ZNF182: variants seen among roughly 807,000 people sequenced by gnomAD.
ZNF182 encodes zinc finger protein 21 (KOX 14).
In ZNF182, 10 loss-of-function variants were observed where a neutral mutation model predicts 28.1. The observed-to-expected ratio is 0.36, with a 90% confidence interval of 0.22 to 0.60. The LOEUF (loss-of-function observed/expected upper bound fraction) is 0.60, where lower values mean the gene tolerates loss of function less well. Ranked by LOEUF, ZNF182 falls within the 20% of genes least tolerant of loss-of-function variation. The probability of loss-of-function intolerance (pLI) is 0.75; values close to 1 mark genes in which losing one functional copy is unlikely to be tolerated. For synonymous variants in ZNF182, 156 were observed against 158.7 expected (o/e 0.98, Z 0.13); for missense variants, 352 against 453.2 (o/e 0.78, Z 2.03).
At chrX:48,001,107 T>TTCAACCAC (rs1276772170) in intron 3 of ZNF182, among the ~76,000 whole-genome samples, 1 of 112,134 alleles carries the variant, frequency 8.9e-6, no homozygotes, top group Non-Finnish European at 1.9e-5. Flanking sequence ...TGAAAAATGG[T>TTCAACCAC]TCAACCACTC....
chrX:47,976,199 G>A lies in ZNF182; in HGVS notation c.1831C>T (p.His611Tyr). 8.6e-7 allele frequency: 1 copy of A among 1,166,302 alleles called. No homozygotes were observed. The highest frequency in any genetic ancestry group is 1.1e-6 in the Non-Finnish European group (1 of 876,547). ...HAGKKAHGRG[H>Y]TRKSKFMAH ...GCCATGAACTTTGACTTCCGAGTGT[G>A]GCCTCTTCCATGGGCTTTCTTTCCT... Residue 611 changes from histidine to tyrosine, a missense_variant, in exon 6 of 6, where the codon CAC becomes TAC. Coordinates refer to ENST00000376943, the MANE Select transcript of ZNF182 (RefSeq NM_001007088.2).
intron 3 of ZNF182, among the ~76,000 whole-genome samples, chrX:47,991,960 C>T (rs938244200): frequency 2.7e-5 from 3 of 111,760 alleles, no homozygotes; most frequent in Non-Finnish European, 5.6e-5. Context: ...AAGCAGCCAC[C>T]GGAAGTGCTT....
chrX:47,992,880 G>C lies in ZNF182; in HGVS notation c.16-9469C>G, dbSNP rs73491302. Among the ~76,000 whole-genome samples, 434 of 112,355 alleles carry C rather than the reference G, an allele frequency of 3.9e-3. 4 individuals carry two copies. Among genetic ancestry groups the C allele is most frequent in the African/African-American group, 0.013 (394 of 30,963 alleles). On this transcript the variant is annotated intron_variant, in intron 3 of 5. Coordinates refer to ENST00000376943, the MANE Select transcript of ZNF182 (RefSeq NM_001007088.2). The stretch of plus-strand genomic sequence containing the variant: ...ACAAGAGCCACAAGGGTGTCTGCCA[G>C]AATAAACAGGTTTCCTGGGAGAGGG...
intron 3 of ZNF182, among the ~76,000 whole-genome samples, chrX:47,999,611 T>G (rs1363683645): frequency 9.0e-6 from 1 of 111,168 alleles, no homozygotes; most frequent in African/African-American, 3.3e-5. Context: ...GAAGTACAGC[T>G]GGATAGGAGG....
At position 47,989,248 on chromosome X, in the gene ZNF182, T is replaced by A. The variant is rs1163750977; in HGVS notation, c.16-5837A>T. ...TTCAAGACCAGCCTGGCCAACATAGTGAAACCCCATCTCTACTAAAATACA... is the reference window on the plus strand; with the variant it reads ...TTCAAGACCAGCCTGGCCAACATAGAGAAACCCCATCTCTACTAAAATACA... On this transcript the variant is annotated intron_variant, in intron 3 of 5. Coordinates refer to ENST00000376943, the MANE Select transcript of ZNF182 (RefSeq NM_001007088.2). Among the ~76,000 whole-genome samples the A allele has an allele frequency of 7.3e-5, 8 of 110,254 alleles. No homozygotes were observed. In the East Asian group the frequency reaches 2.3e-3, roughly 31 times the overall value.
In ZNF182 at chrX:47,983,394, T is replaced by C. The variant is rs1556899393; in HGVS notation, c.33A>G (p.Glu11=). 16 of 1,208,724 alleles carry C rather than the reference T, an allele frequency of 1.3e-5. No individual in the cohort carries two copies. The highest frequency in any genetic ancestry group is 1.8e-5 in the Non-Finnish European group (16 of 894,346). Residue 11 remains glutamate (E), a synonymous_variant, in exon 4 of 6, where the codon GAA becomes GAG. Coordinates refer to ENST00000376943, the MANE Select transcript of ZNF182 (RefSeq NM_001007088.2). ...CCTGGGTGAAATCCACAGCTACATCTTCAAATGTCACTAGCCCCTGTAATG... is the reference window on the plus strand; with the variant it reads ...CCTGGGTGAAATCCACAGCTACATCCTCAAATGTCACTAGCCCCTGTAATG... MAKPQGLVTF[E]DVAVDFTQEE...
intron 3 of ZNF182, among the ~76,000 whole-genome samples, chrX:47,986,985 C>T (rs1000119540): frequency 7.1e-5 from 8 of 112,024 alleles, no homozygotes; most frequent in African/African-American, 2.6e-4. Context: ...GGGACTCAGA[C>T]TGGCTTCCTT....
chrX:48,003,297 TTTTC>T (rs2058985238), intron 2 of ZNF182, among the ~76,000 whole-genome samples: 1 of 112,766 alleles, frequency 8.9e-6, no homozygotes, highest in Non-Finnish European at 1.9e-5. Context: ...TTCCTGTTGA[TTTTC>T]TTTTTCTCTA....
rs781987327 is a variant in ZNF182, at chrX:47,976,863, C to T, written c.1167G>A (p.Gly389=). The T allele has an allele frequency of 4.1e-6, 5 of 1,206,274 alleles. No individual in the cohort carries two copies. The highest frequency in any genetic ancestry group is 5.6e-6 in the Non-Finnish European group (5 of 893,674). The change falls in exon 6 of 6, where the codon GGG becomes GGA. Residue 389 remains glycine (G), a synonymous_variant. Coordinates refer to ENST00000376943, the MANE Select transcript of ZNF182 (RefSeq NM_001007088.2). ...GEKPHKCTEC[G]KSFNEKSTLI... Reference sequence around the variant, plus strand: ...GGGTTGACTTCTCATTGAAAGACTTCCCACATTCAGTACATTTATGAGGTT... The same window carrying T: ...GGGTTGACTTCTCATTGAAAGACTTTCCACATTCAGTACATTTATGAGGTT...
In ZNF182 at chrX:47,979,674, A is replaced by G. The variant is rs17147816; in HGVS notation, c.233-1877T>C. ...ACTACTATTATGACTTTTAAGAATC[A>G]CCACATTACTGTAAAAAGAAAGAGT... On this transcript the variant is annotated intron_variant, in intron 5 of 5. Coordinates refer to ENST00000376943, the MANE Select transcript of ZNF182 (RefSeq NM_001007088.2). Among the ~76,000 whole-genome samples, 730 of 111,436 alleles carry G rather than the reference A, an allele frequency of 6.6e-3. 8 individuals carry two copies. The highest frequency in any genetic ancestry group is 0.022 in the African/African-American group (671 of 30,658).
At chrX:47,984,693 A>G (rs1007915000) in intron 3 of ZNF182, among the ~76,000 whole-genome samples, 35 of 112,215 alleles carry the variant, frequency 3.1e-4, no homozygotes, top group African/African-American at 1.0e-3. Context: ...TGTGACACCA[A>G]AATTCAAAAA....
At chrX:47,986,790 TAGG>T (rs1381543350) in intron 3 of ZNF182, among the ~76,000 whole-genome samples, 5 of 111,655 alleles carry the variant, frequency 4.5e-5, no homozygotes, top group Non-Finnish European at 9.4e-5. Flanking sequence ...CAGAAGAAGG[TAGG>T]AGGAGCTGGC....
chrX:48,001,183 A>C (rs2058977371), intron 3 of ZNF182, among the ~76,000 whole-genome samples: 1 of 112,392 alleles, frequency 8.9e-6, no homozygotes, highest in South Asian at 3.6e-4. Context: ...TAGTAATCCA[A>C]TATTTACTCC....
At chrX:48,003,174 T>C (rs1556902113) in intron 2 of ZNF182, among the ~76,000 whole-genome samples, 1 of 112,289 alleles carries the variant, frequency 8.9e-6, no homozygotes. Flanking sequence ...AAGTAGGTTT[T>C]AAAACTGCGG....
At chrX:47,988,744 G>T (rs1487938412) in intron 3 of ZNF182, 3 of 290,836 alleles carry the variant, frequency 1.0e-5, no homozygotes, top group African/African-American at 8.3e-5. Flanking sequence ...GCCAACTCAG[G>T]GACAACTGAG....
chrX:47,994,642 C>T (rs1556900823), intron 3 of ZNF182, among the ~76,000 whole-genome samples: 1 of 111,586 alleles, frequency 9.0e-6, no homozygotes, highest in East Asian at 2.8e-4. Flanking sequence ...ACCAATCATA[C>T]TTTTTTGTGT....
At position 47,996,970 on chromosome X, in the gene ZNF182, CA is replaced by C. The variant is rs201600313; in HGVS notation, c.15+5624del. Among the ~76,000 whole-genome samples, 643 of 111,779 alleles carry C rather than the reference CA, an allele frequency of 5.8e-3. 2 individuals carry two copies. Among genetic ancestry groups the C allele is most frequent in the African/African-American group, 0.02 (625 of 30,725 alleles). On this transcript the variant is annotated intron_variant, in intron 3 of 5. Coordinates refer to ENST00000376943, the MANE Select transcript of ZNF182 (RefSeq NM_001007088.2). ...ATTAATTTATGTTGTTTAACCCACC[CA>C]ATCTATGGTACTTTGTTATGGCAGC...
At chrX:47,985,066 C>T in intron 3 of ZNF182, among the ~76,000 whole-genome samples, 1 of 112,028 alleles carries the variant, frequency 8.9e-6, no homozygotes, top group Non-Finnish European at 1.9e-5. Context: ...CCCTGCAATC[C>T]CACTCCCACG....
In ZNF182 at chrX:47,999,618, G is replaced by A. The variant is rs782505215; in HGVS notation, c.15+2977C>T. ...CAGATACAGAAGTACAGCTGGATAG[G>A]AGGAATAAGTTCTAGCATTCAACAA... On this transcript the variant is annotated intron_variant, in intron 3 of 5. Coordinates refer to ENST00000376943, the MANE Select transcript of ZNF182 (RefSeq NM_001007088.2). Among the ~76,000 whole-genome samples, 13 of 111,450 alleles carry A rather than the reference G, an allele frequency of 1.2e-4. No homozygotes were observed. The South Asian group carries it at 4.8e-3, about 42-fold the overall frequency.
Sources: allele counts gnomAD v4.1 joint callset (sites outside exome capture counted in the v4.1 genomes callset), GRCh38; gene constraint gnomAD v4.1.1; transcripts MANE v1.5; gene names NCBI Gene and HGNC (gene_info 2026-07-23, HGNC 2026-07-21).